SLIT2: variants seen among roughly 807,000 people sequenced by gnomAD.
SLIT2 encodes the protein slit guidance ligand 2, also known as slit homolog 2 protein.
Under a neutral mutation model 185.7 loss-of-function variants are expected in SLIT2, and 41 were observed. The observed-to-expected ratio is 0.22, with a 90% CI of 0.17 to 0.29. The LOEUF is 0.29. Ranked by LOEUF, SLIT2 falls within the 10% of genes least tolerant of loss-of-function variation. The pLI, the probability that SLIT2 is intolerant of heterozygous loss-of-function variation, is 1.00. For missense variants in SLIT2, 1,571 were observed against 1,909.0 expected (o/e 0.82, Z 3.30); for synonymous variants, 693 against 680.2 (o/e 1.02, Z -0.29).
At chr4:20,427,355 TG>T (rs2109486473) in intron 4 of SLIT2, among the ~76,000 whole-genome samples, 1 of 152,332 alleles carries the variant, frequency 6.6e-6, no homozygotes, top group East Asian at 1.9e-4. Context: ...TCCTGTAGCC[TG>T]TTAGAACCCA....
chr4:20,377,479 C>A (rs1339976423), intron 4 of SLIT2, among the ~76,000 whole-genome samples: 10 of 152,048 alleles, frequency 6.6e-5, no homozygotes, highest in Non-Finnish European at 1.5e-5. Flanking sequence ...CCCTGTCATG[C>A]AGAGTTATAA....
intron 17 of SLIT2, among the ~76,000 whole-genome samples, chr4:20,532,696 A>G (rs932464379): frequency 2.6e-5 from 4 of 152,300 alleles, no homozygotes; most frequent in African/African-American, 9.6e-5. Flanking sequence ...GTGTCCATAT[A>G]TGTAACTGGC....
chr4:20,422,757 C>T (rs1407154415), intron 4 of SLIT2, among the ~76,000 whole-genome samples: 6 of 151,716 alleles, frequency 4.0e-5, no homozygotes, highest in South Asian at 2.1e-4. Context: ...GAGGCAGCAA[C>T]GAGGCAGGAT....
At chr4:20,463,901 A>G (rs1714059739) in intron 4 of SLIT2, among the ~76,000 whole-genome samples, 1 of 151,512 alleles carries the variant, frequency 6.6e-6, no homozygotes, top group Admixed American at 6.6e-5. Flanking sequence ...AAATTTCAAA[A>G]CCATAATCAT....
chr4:20,394,319 C>T (rs1262727392), intron 4 of SLIT2, among the ~76,000 whole-genome samples: 11 of 151,986 alleles, frequency 7.2e-5, no homozygotes, highest in Non-Finnish European at 1.2e-4. Flanking sequence ...AAATGTGTCT[C>T]TCAGTCTTTA....
chr4:20,462,399 C>G (rs774444455), intron 4 of SLIT2, among the ~76,000 whole-genome samples: 1 of 152,198 alleles, frequency 6.6e-6, no homozygotes, highest in African/African-American at 2.4e-5. Context: ...CCTAACTCTC[C>G]AAAATCCTGT....
At chr4:20,463,481 A>C (rs1577704347) in intron 4 of SLIT2, among the ~76,000 whole-genome samples, 1 of 83,952 alleles carries the variant, frequency 1.2e-5, no homozygotes, top group Non-Finnish European at 2.3e-5. Context: ...ATATATATAT[A>C]TATATATATA....
chr4:20,319,806 C>CAA (rs200940864), intron 4 of SLIT2, among the ~76,000 whole-genome samples: 1 of 88,838 alleles, frequency 1.1e-5, no homozygotes, highest in African/African-American at 3.7e-5. Context: ...CACTAAAAAA[C>CAA]AAAACAAAAA....
intron 4 of SLIT2, among the ~76,000 whole-genome samples, 199 bp downstream of exon 4, chr4:20,269,080 G>A (rs563501409): frequency 6.7e-4 from 102 of 151,890 alleles, no homozygotes; most frequent in African/African-American, 2.3e-3. Flanking sequence ...AGGATTTAGC[G>A]GTTTATGTAT....
At chr4:20,337,084 TACA>T (rs1720569291) in intron 4 of SLIT2, among the ~76,000 whole-genome samples, 2 of 152,210 alleles carry the variant, frequency 1.3e-5, no homozygotes, top group African/African-American at 4.8e-5. Flanking sequence ...AGGAAGTAGT[TACA>T]TATTTTTATC....
At chr4:20,389,465 G>A (rs185492551) in intron 4 of SLIT2, among the ~76,000 whole-genome samples, 11 of 151,834 alleles carry the variant, frequency 7.2e-5, no homozygotes, top group African/African-American at 2.4e-4. Flanking sequence ...TGAACACAAC[G>A]TGTGGCAGAG....
chr4:20,449,188 A>G (rs1317593262), intron 4 of SLIT2, among the ~76,000 whole-genome samples: 2 of 152,316 alleles, frequency 1.3e-5, no homozygotes, highest in South Asian at 2.1e-4. Flanking sequence ...AGTAATAGTT[A>G]TATGCTCAGG....
intron 29 of SLIT2, among the ~76,000 whole-genome samples, chr4:20,571,915 A>G (rs1385321494): frequency 6.6e-6 from 1 of 152,252 alleles, no homozygotes; most frequent in Non-Finnish European, 1.5e-5. Flanking sequence ...CAGAACGGAC[A>G]TTATGTCAAT....
chr4:20,442,381 AG>A (rs1729822842), intron 4 of SLIT2, among the ~76,000 whole-genome samples: 1 of 151,986 alleles, frequency 6.6e-6, no homozygotes, highest in African/African-American at 2.4e-5. Flanking sequence ...AAAATTAGCT[AG>A]GTGTGGTGGC....
chr4:20,567,773 A>G, intron 28 of SLIT2, among the ~76,000 whole-genome samples, 158 bp downstream of exon 28: 2 of 152,246 alleles, frequency 1.3e-5, no homozygotes, highest in South Asian at 4.1e-4. Flanking sequence ...ATTGCAATAT[A>G]AAAAATAAAT....
At chr4:20,527,577 A>G (rs1472348398) in intron 15 of SLIT2, among the ~76,000 whole-genome samples, 2 of 152,022 alleles carry the variant, frequency 1.3e-5, no homozygotes, top group Non-Finnish European at 2.9e-5. Flanking sequence ...GAGCCACCAC[A>G]CCCGGCCTTG....
intron 4 of SLIT2, among the ~76,000 whole-genome samples, chr4:20,287,259 G>T (rs957594404): frequency 3.3e-5 from 5 of 152,060 alleles, no homozygotes; most frequent in Non-Finnish European, 7.4e-5. Flanking sequence ...ACTAGATCCC[G>T]CTTTCTCTGC....
At chr4:20,546,271 G>A (rs1577900957) in intron 22 of SLIT2, among the ~76,000 whole-genome samples, 172 bp downstream of exon 22, 1 of 151,970 alleles carries the variant, frequency 6.6e-6, no homozygotes, top group Non-Finnish European at 1.5e-5. Context: ...ATTGAATATC[G>A]ATCAGGCGAT....
At chr4:20,479,383 T>G (rs1375568486) in intron 5 of SLIT2, among the ~76,000 whole-genome samples, 18 of 152,108 alleles carry the variant, frequency 1.2e-4, no homozygotes, top group Admixed American at 1.1e-3. Flanking sequence ...TGAACAGACC[T>G]CAAATATGAA....
Sources: allele counts gnomAD v4.1 joint callset (sites outside exome capture counted in the v4.1 genomes callset), GRCh38; gene constraint gnomAD v4.1.1; transcripts MANE v1.5; gene names NCBI Gene and HGNC (gene_info 2026-07-23, HGNC 2026-07-21).